Variants in DEPTOR observed in about 807,000 individuals in gnomAD.
The protein encoded by DEPTOR is DEP domain-containing mTOR-interacting protein.
Under a neutral mutation model 41.6 loss-of-function variants are expected in DEPTOR, and 41 were observed. That is an observed-to-expected ratio of 0.98 (90% confidence interval 0.77 to 1.28). DEPTOR has a LOEUF of 1.28. DEPTOR is among the 50% of genes most tolerant of loss of function. DEPTOR has a pLI of 0.00. For synonymous variants in DEPTOR, 195 were observed against 192.3 expected, an observed-to-expected ratio of 1.01 and a Z score of -0.12; for missense variants, 514 against 527.9, an observed-to-expected ratio of 0.97 and a Z score of 0.26.
chr8:119,960,240 A>C (rs1828473263), intron 3 of DEPTOR, among the ~76,000 whole-genome samples: 1 of 152,080 alleles, frequency 6.6e-6, no homozygotes, highest in Non-Finnish European at 1.5e-5. Flanking sequence ...AAAAACAAAA[A>C]ACAAAAAACA....
intron 1 of DEPTOR, among the ~76,000 whole-genome samples, chr8:119,883,473 TAAAA>T (rs386413817): frequency 8.0e-5 from 9 of 112,096 alleles, no homozygotes; most frequent in East Asian, 2.5e-4. Context: ...AGACTCGTCT[TAAAA>T]AAAAAAAAAA....
intron 4 of DEPTOR, among the ~76,000 whole-genome samples, chr8:119,980,064 G>C (rs1336136673): frequency 1.3e-5 from 2 of 151,312 alleles, no homozygotes; most frequent in Non-Finnish European, 1.5e-5. Context: ...GTTCTTGTGG[G>C]AAATCAGCCA....
chr8:119,874,303 C>CG (rs1563953234), intron 1 of DEPTOR: 6 of 353,782 alleles, frequency 1.7e-5, no homozygotes, highest in African/African-American at 6.6e-5. Context: ...GCCGCCAGGC[C>CG]TCCCGGCTGA....
chr8:119,985,826 C>CTTTTTTTTTTTTTTTT (rs999602227), intron 4 of DEPTOR, among the ~76,000 whole-genome samples: 2 of 41,634 alleles, frequency 4.8e-5, no homozygotes, highest in Admixed American at 3.4e-4. Flanking sequence ...AACCCCTGCT[C>CTTTTTTTTTTTTTTTT]TTTTTTTTTT....
chr8:119,909,278 C>G (rs977748898), intron 1 of DEPTOR, among the ~76,000 whole-genome samples: 1 of 152,186 alleles, frequency 6.6e-6, no homozygotes, highest in Non-Finnish European at 1.5e-5. Context: ...AAGTGCCACC[C>G]CAGTTCAAAT....
rs138394484 is a variant in DEPTOR at position 119,929,931 on chromosome 8, T to C, written c.418T>C (p.Tyr140His). Residue 140 changes from tyrosine (Y) to histidine (H), a missense_variant, in exon 3 of 9, where the codon TAT becomes CAT. Coordinates refer to ENST00000286234, the MANE Select transcript of DEPTOR (RefSeq NM_022783.4). The part of the protein sequence containing the change: ...VKAFMRGQRL[Y>H]EKLMSPENTL... Reference sequence around the variant, plus strand: ...GGCCTTTATGAGAGGACAGAGGCTATATGAAAAGTATGTTCCGCATGAAAT... The same window carrying C: ...GGCCTTTATGAGAGGACAGAGGCTACATGAAAAGTATGTTCCGCATGAAAT... 5.0e-6 allele frequency: 8 copies of C among 1,611,480 alleles called. No individual in the cohort carries two copies. The highest frequency in any genetic ancestry group is 1.1e-5 in the South Asian group (1 of 90,830).
intron 8 of DEPTOR, among the ~76,000 whole-genome samples, chr8:120,048,320 A>T (rs539852333): frequency 1.3e-5 from 2 of 152,216 alleles, no homozygotes; most frequent in Non-Finnish European, 2.9e-5. Context: ...TGCAGCAGAA[A>T]AAAACAAAGC....
intron 1 of DEPTOR, among the ~76,000 whole-genome samples, chr8:119,904,406 A>G (rs184405005): frequency 9.4e-4 from 143 of 152,160 alleles, no homozygotes; most frequent in African/African-American, 3.3e-3. Context: ...GGCATGAGCC[A>G]CTGCGCCCGG....
intron 3 of DEPTOR, among the ~76,000 whole-genome samples, chr8:119,957,516 A>G (rs1420149945): frequency 1.3e-5 from 2 of 152,132 alleles, no homozygotes; most frequent in East Asian, 3.9e-4. Context: ...TTGAGGGTCA[A>G]AAGAAATGAA....
chr8:120,020,274 GTT>G (rs2130133419), intron 8 of DEPTOR, among the ~76,000 whole-genome samples: 1 of 152,226 alleles, frequency 6.6e-6, no homozygotes, highest in East Asian at 1.9e-4. Context: ...TAGAGACGGG[GTT>G]TCACCAGTTG....
chr8:119,977,125 C>T (rs1343956280), intron 4 of DEPTOR, among the ~76,000 whole-genome samples: 1 of 152,138 alleles, frequency 6.6e-6, no homozygotes, highest in African/African-American at 2.4e-5. Flanking sequence ...CTCAGCTTCC[C>T]AAGTAGCTAG....
chr8:119,918,938 A>AGTGAGTGTGTGT (rs1827853950), intron 1 of DEPTOR, among the ~76,000 whole-genome samples: 1 of 133,444 alleles, frequency 7.5e-6, no homozygotes, highest in Admixed American at 7.4e-5. Flanking sequence ...TTGCATAGTG[A>AGTGAGTGTGTGT]GTGTGTGTGT....
intron 4 of DEPTOR, among the ~76,000 whole-genome samples, chr8:119,989,479 G>T (rs1444959202): frequency 6.6e-5 from 10 of 152,136 alleles, no homozygotes; most frequent in Non-Finnish European, 1.5e-4. Context: ...TCAGGGGTGA[G>T]ACCTGGAGTG....
At chr8:119,882,031 C>CA (rs1452061847) in intron 1 of DEPTOR, among the ~76,000 whole-genome samples, 1 of 152,168 alleles carries the variant, frequency 6.6e-6, no homozygotes, top group Non-Finnish European at 1.5e-5. Context: ...GCTGGGATTA[C>CA]AGGCAAGCGC....
intron 1 of DEPTOR, among the ~76,000 whole-genome samples, chr8:119,895,168 T>C (rs1438971474): frequency 6.6e-6 from 1 of 152,184 alleles, no homozygotes; most frequent in East Asian, 1.9e-4. Context: ...AAGCAATAGT[T>C]GAAACCTGAA....
chr8:119,938,888 T>A, intron 3 of DEPTOR, among the ~76,000 whole-genome samples: 2 of 141,744 alleles, frequency 1.4e-5, no homozygotes, highest in South Asian at 5.0e-4. Context: ...CCCCTCTCTC[T>A]CTCTTTCTCT....
At chr8:119,933,668 G>T (rs936289454) in intron 3 of DEPTOR, among the ~76,000 whole-genome samples, 1 of 152,080 alleles carries the variant, frequency 6.6e-6, no homozygotes, top group Non-Finnish European at 1.5e-5. Context: ...CACAGTTTGC[G>T]AGGGACAGGG....
Position 119,873,788 on chromosome 8 carries a change from C to G in DEPTOR, c.-59C>G. ...AAGCGTCTGTGAGGGCAGACTGATCCGAGCACCCAAACCCTCGGCGGACAG... is the reference window on the plus strand; with the variant it reads ...AAGCGTCTGTGAGGGCAGACTGATCGGAGCACCCAAACCCTCGGCGGACAG... On this transcript the variant is annotated 5_prime_UTR_variant, in exon 1 of 9. Coordinates refer to ENST00000286234, the MANE Select transcript of DEPTOR (RefSeq NM_022783.4). The G allele has an allele frequency of 1.2e-6, 2 of 1,600,146 alleles. No homozygotes were observed. The highest frequency in any genetic ancestry group is 1.1e-5 in the South Asian group (1 of 90,264).
chr8:119,953,334 G>A (rs1048938283), intron 3 of DEPTOR, among the ~76,000 whole-genome samples: 8 of 152,170 alleles, frequency 5.3e-5, no homozygotes, highest in South Asian at 2.1e-4. Flanking sequence ...TGTAATCCCA[G>A]TACTTTGGGA....
Sources: allele counts gnomAD v4.1 joint callset (sites outside exome capture counted in the v4.1 genomes callset), GRCh38; gene constraint gnomAD v4.1.1; transcripts MANE v1.5; gene names NCBI Gene and HGNC (gene_info 2026-07-23, HGNC 2026-07-21).